The following KCTD16 variants were observed in gnomAD, a reference collection of about 807,000 sequenced individuals.
KCTD16 encodes the protein BTB/POZ domain-containing protein KCTD16.
KCTD16 carries 13 observed loss-of-function variants against 33.2 expected under a neutral mutation model. The observed-to-expected ratio is 0.39, with a 90% CI of 0.25 to 0.62. The LOEUF (loss-of-function observed/expected upper bound fraction) is 0.62, where lower values mean the gene tolerates loss of function less well. Among genes scored for constraint, KCTD16 ranks in the 20% least tolerant of loss-of-function variants. The pLI, the probability that KCTD16 is intolerant of heterozygous loss-of-function variation, is 0.50. For synonymous variants in KCTD16, 197 were observed against 195.3 expected, an observed-to-expected ratio of 1.01 and a Z score of -0.07; for missense variants, 441 against 525.1, an observed-to-expected ratio of 0.84 and a Z score of 1.57.
chr5:144,295,425 A>T (rs1561556963), intron 3 of KCTD16, among the ~76,000 whole-genome samples: 2 of 152,222 alleles, frequency 1.3e-5, no homozygotes, highest in East Asian at 3.8e-4. Context: ...AGAATGAGAA[A>T]GCAGAAGAAA....
rs1011452893 is a variant in KCTD16 at position 144,478,363 on chromosome 5, AACTTT to A, written c.*4251_*4255del. On this transcript the variant is annotated 3_prime_UTR_variant, in exon 4 of 4. Coordinates refer to ENST00000512467, the MANE Select transcript of KCTD16 (RefSeq NM_020768.4). ...CCCCTGCTGAAAGAATAGAGTCTTA[AACTTT>A]AATAATCACAGCCTTGTGATGCAAA... 3.3e-5 allele frequency: 5 copies of A among 152,064 alleles called. No individual in the cohort carries two copies. Among genetic ancestry groups the A allele is most frequent in the African/African-American group, 1.2e-4 (5 of 41,440 alleles). 9.4% of individuals were successfully genotyped at this position (152,064 alleles called of 1,614,324 possible).
chr5:144,230,210 A>T (rs1314627084), intron 3 of KCTD16, among the ~76,000 whole-genome samples: 1 of 152,202 alleles, frequency 6.6e-6, no homozygotes, highest in Non-Finnish European at 1.5e-5. Flanking sequence ...CAAGGATGAA[A>T]TGTATTGTAT....
Position 144,190,393 on chromosome 5 carries a change from G to C in KCTD16, c.-327+15921G>C, listed in dbSNP as rs537184493. Among the ~76,000 whole-genome samples, 3 of 152,156 alleles carry C rather than the reference G, an allele frequency of 2.0e-5. No individual in the cohort carries two copies. The South Asian group carries it at 6.2e-4, about 32-fold the overall frequency. On this transcript the variant is annotated intron_variant, in intron 2 of 3. Coordinates refer to ENST00000512467, the MANE Select transcript of KCTD16 (RefSeq NM_020768.4). ...TGAACCTTGGCTTCTCTCTCCTTCCGTTCTCTCTCTTTCTTACGATGCCTC... is the reference window on the plus strand; with the variant it reads ...TGAACCTTGGCTTCTCTCTCCTTCCCTTCTCTCTCTTTCTTACGATGCCTC...
At chr5:144,367,967 ATC>A (rs1228667828) in intron 3 of KCTD16, among the ~76,000 whole-genome samples, 1 of 151,808 alleles carries the variant, frequency 6.6e-6, no homozygotes, top group East Asian at 1.9e-4. Context: ...ACGTTCTAAC[ATC>A]TGTAGAATGG....
At chr5:144,202,405 G>A (rs1753063030) in intron 2 of KCTD16, among the ~76,000 whole-genome samples, 1 of 152,170 alleles carries the variant, frequency 6.6e-6, no homozygotes, top group Non-Finnish European at 1.5e-5. Context: ...AGAGTGTATT[G>A]CTTTATTTCC....
intron 3 of KCTD16, among the ~76,000 whole-genome samples, chr5:144,358,823 C>A (rs778691742): frequency 4.6e-5 from 7 of 152,182 alleles, no homozygotes; most frequent in Non-Finnish European, 1.0e-4. Context: ...CTCCTTTGGG[C>A]CTCTTTTATA....
At chr5:144,260,322 A>G (rs923867184) in intron 3 of KCTD16, among the ~76,000 whole-genome samples, 1 of 152,194 alleles carries the variant, frequency 6.6e-6, no homozygotes, top group African/African-American at 2.4e-5. Context: ...GGAAATAATT[A>G]AACTCTGCAT....
At position 144,206,736 on chromosome 5, in the gene KCTD16, A is replaced by T. The variant is rs1266970254; in HGVS notation, c.22A>T (p.Ser8Cys). The change falls in exon 3 of 4, where the codon AGT becomes TGT. Residue 8 changes from serine to cysteine, a missense_variant. Ser to Cys is a moderately radical substitution (Grantham distance 112). Around this residue, in one of 3 missense-constraint regions of KCTD16, gnomAD observed 80 missense variants for 88.5 expected, o/e 0.90. Transcript: ENST00000512467. The stretch of plus-strand genomic sequence containing the variant: ...GACAATGGCTCTGAGTGGAAACTGT[A>T]GTCGTTATTATCCTCGAGAACAAGG... Reference protein sequence around the residue: MALSGNCSRYYPREQGSA... With the variant: MALSGNCCRYYPREQGSA... 1 of 1,613,616 alleles carries T rather than the reference A, an allele frequency of 6.2e-7. No individual in the cohort carries two copies. Among genetic ancestry groups the T allele is most frequent in the Admixed American group, 1.7e-5 (1 of 59,984 alleles).
chr5:144,190,425 C>G (rs557471246), intron 2 of KCTD16, among the ~76,000 whole-genome samples: 1 of 152,278 alleles, frequency 6.6e-6, no homozygotes, highest in East Asian at 1.9e-4. Context: ...CCTCACTTTC[C>G]TTTGTGCCTA....
chr5:144,288,914 G>T (rs937377366), intron 3 of KCTD16, among the ~76,000 whole-genome samples: 2 of 152,178 alleles, frequency 1.3e-5, no homozygotes, highest in East Asian at 3.9e-4. Flanking sequence ...CACTTGGGAG[G>T]CTGAGGCAGA....
intron 3 of KCTD16, among the ~76,000 whole-genome samples, chr5:144,362,439 G>A (rs1751734987): frequency 6.6e-6 from 1 of 152,066 alleles, no homozygotes; most frequent in South Asian, 2.1e-4. Context: ...CTTCCTTTTG[G>A]ATCTCTGGTA....
Position 144,394,748 on chromosome 5 carries a change from AC to A in KCTD16, c.833-78910del, listed in dbSNP as rs1327774426. On this transcript the variant is annotated intron_variant, in intron 3 of 3. Coordinates refer to ENST00000512467, the MANE Select transcript of KCTD16 (RefSeq NM_020768.4). Reference sequence around the variant, plus strand: ...CCTGCTTGCTCTTCTCTCTCCTGCCACCATGTGAAGAAGGTCTTTGCTTTCC... The same window carrying A: ...CCTGCTTGCTCTTCTCTCTCCTGCCACATGTGAAGAAGGTCTTTGCTTTCC... Among the ~76,000 whole-genome samples the A allele has an allele frequency of 2.6e-5, 4 of 152,184 alleles. 1 individual carries two copies. The highest frequency in any genetic ancestry group is 2.6e-4 in the Admixed American group (4 of 15,272).
chr5:144,345,091 A>G (rs923674688), intron 3 of KCTD16, among the ~76,000 whole-genome samples: 4 of 151,920 alleles, frequency 2.6e-5, no homozygotes, highest in African/African-American at 9.7e-5. Context: ...CATTCTCAGT[A>G]AACTATTGCA....
chr5:144,287,931 C>T lies in KCTD16; in HGVS notation c.832+80385C>T, dbSNP rs533754726. The stretch of plus-strand genomic sequence containing the variant: ...TTACAGGCATGAGACAATGCCTGGC[C>T]CTTTAATATTATTAAAACAAAAACC... On this transcript the variant is annotated intron_variant, in intron 3 of 3. Coordinates refer to ENST00000512467, the MANE Select transcript of KCTD16 (RefSeq NM_020768.4). Among the ~76,000 whole-genome samples, 33 of 152,148 alleles carry T rather than the reference C, an allele frequency of 2.2e-4. No homozygotes were observed. The South Asian group carries it at 5.4e-3, about 25-fold the overall frequency.
chr5:144,373,555 C>T (rs544965483), intron 3 of KCTD16, among the ~76,000 whole-genome samples: 2 of 152,260 alleles, frequency 1.3e-5, no homozygotes, highest in East Asian at 3.9e-4. Flanking sequence ...GGTCTATATC[C>T]TTCCAAGCCA....
At chr5:144,255,761 T>C (rs1383855405) in intron 3 of KCTD16, among the ~76,000 whole-genome samples, 4 of 152,182 alleles carry the variant, frequency 2.6e-5, no homozygotes, top group Non-Finnish European at 4.4e-5. Context: ...TTACTTCACT[T>C]TGCTCCAGAC....
chr5:144,388,065 G>GTTTTTTTTTTTTTTTTT lies in KCTD16; in HGVS notation c.833-85581_833-85565dup, dbSNP rs397999492. ...AATCCAGAGTTCAATTTTAGAGCAA[G>GTTTTTTTTTTTTTTTTT]TTTTTTTTTTTTTTTTTTTTTTTTT... On this transcript the variant is annotated intron_variant, in intron 3 of 3. Coordinates refer to ENST00000512467, the MANE Select transcript of KCTD16 (RefSeq NM_020768.4). Among the ~76,000 whole-genome samples the GTTTTTTTTTTTTTTTTT allele has an allele frequency of 2.7e-4, 20 of 73,660 alleles. 5 individuals carry two copies. The highest frequency in any genetic ancestry group is 1.2e-3 in the African/African-American group (19 of 16,100). The allele number at this position is 73,660 out of a possible 152,430, so 48.3% of individuals were successfully genotyped here.
intron 3 of KCTD16, among the ~76,000 whole-genome samples, chr5:144,388,282 C>T (rs1027218717): frequency 2.6e-5 from 4 of 151,686 alleles, no homozygotes; most frequent in Non-Finnish European, 4.4e-5. Flanking sequence ...GGGGTTTCAC[C>T]GTGTTATCCA....
At chr5:144,279,876 T>C (rs986970938) in intron 3 of KCTD16, among the ~76,000 whole-genome samples, 8 of 152,228 alleles carry the variant, frequency 5.3e-5, no homozygotes, top group African/African-American at 1.9e-4. Context: ...GCTAAGAGTA[T>C]TTTAATCATA....
Sources: allele counts gnomAD v4.1 joint callset (sites outside exome capture counted in the v4.1 genomes callset), GRCh38; gene constraint gnomAD v4.1.1; regional missense constraint gnomAD v4.1.1; transcripts MANE v1.5; gene names NCBI Gene and HGNC (gene_info 2026-07-23, HGNC 2026-07-21).